Variants in AUTS2 observed in about 807,000 individuals in gnomAD.
The protein encoded by AUTS2 is activator of transcription and developmental regulator AUTS2, also known as autism susceptibility gene 2 protein.
A neutral mutation model predicts 112.4 loss-of-function variants in AUTS2; 17 were observed. The observed-to-expected ratio is 0.15, with a 90% CI of 0.10 to 0.23. The LOEUF (loss-of-function observed/expected upper bound fraction) is 0.23. Among genes scored for constraint, AUTS2 ranks in the 10% least tolerant of loss-of-function variants. The pLI is 1.00. For synonymous variants in AUTS2, 751 were observed against 702.7 expected (o/e 1.07, Z -1.09); for missense variants, 1,510 against 1,701.6 (o/e 0.89, Z 1.98).
chr7:70,340,170 A>ACACACACACG lies in AUTS2; in HGVS notation c.661-95573_661-95572insGCACACACAC, dbSNP rs1211967245. ...TGTCCATGTATGGAGAGAAACACAC[A>ACACACACACG]CACACACACACACACACACACACAC... On this transcript the variant is annotated intron_variant, in intron 4 of 18. Coordinates refer to ENST00000342771, the MANE Select transcript of AUTS2 (RefSeq NM_015570.4). 5.9e-5 allele frequency among the ~76,000 whole-genome samples: 9 copies of ACACACACACG among 151,298 alleles called. No individual in the cohort carries two copies. In the East Asian group the frequency reaches 1.5e-3, roughly 26 times the overall value.
intron 1 of AUTS2, among the ~76,000 whole-genome samples, chr7:69,686,543 G>A (rs1797076444): frequency 6.6e-6 from 1 of 152,190 alleles, no homozygotes; most frequent in African/African-American, 2.4e-5. Context: ...GGAGTCATAA[G>A]CAGTTTCAAA....
At chr7:70,673,373 CT>C (rs61024543) in intron 5 of AUTS2, among the ~76,000 whole-genome samples, 13,893 of 146,198 alleles carry the variant, frequency 0.095, 867 homozygotes, top group East Asian at 0.32. Context: ...TTTTTCTTTT[CT>C]TTTTTTTTTT....
chr7:70,037,381 A>G (rs954277403), intron 2 of AUTS2, among the ~76,000 whole-genome samples: 8 of 152,190 alleles, frequency 5.3e-5, no homozygotes, highest in African/African-American at 1.4e-4. Context: ...TGAGTAGGTT[A>G]TAGCTGCTCT....
chr7:70,019,043 A>G (rs1800157055), intron 2 of AUTS2, among the ~76,000 whole-genome samples: 1 of 152,204 alleles, frequency 6.6e-6, no homozygotes, highest in African/African-American at 2.4e-5. Context: ...TGGATAAATA[A>G]AATGTCATAC....
intron 5 of AUTS2, among the ~76,000 whole-genome samples, chr7:70,651,564 C>A: frequency 6.6e-6 from 1 of 152,108 alleles, no homozygotes; most frequent in East Asian, 1.9e-4. Flanking sequence ...CTAACATAAG[C>A]CTGTTTCATA....
intron 5 of AUTS2, among the ~76,000 whole-genome samples, chr7:70,618,610 A>G (rs1476725441): frequency 6.6e-6 from 1 of 152,170 alleles, no homozygotes; most frequent in Non-Finnish European, 1.5e-5. Context: ...GTCTTGTTCA[A>G]AAGCTGTTTC....
At chr7:70,248,035 T>C (rs528890346) in intron 4 of AUTS2, among the ~76,000 whole-genome samples, 4 of 152,216 alleles carry the variant, frequency 2.6e-5, no homozygotes, top group Admixed American at 2.6e-4. Flanking sequence ...GATTTTCCAA[T>C]GTTAAATCAA....
chr7:70,731,194 T>A (rs571776978), intron 6 of AUTS2, among the ~76,000 whole-genome samples: 4 of 152,298 alleles, frequency 2.6e-5, no homozygotes, highest in African/African-American at 9.6e-5. Context: ...TTTGTGAGTT[T>A]TCTTTTCACT....
chr7:70,556,008 T>G (rs931675027), intron 5 of AUTS2, among the ~76,000 whole-genome samples: 1 of 152,098 alleles, frequency 6.6e-6, no homozygotes, highest in Non-Finnish European at 1.5e-5. Context: ...GGGTTTCACC[T>G]TGTTAGCCAG....
At chr7:69,745,537 G>A (rs7793984) in intron 1 of AUTS2, among the ~76,000 whole-genome samples, 103,121 of 152,054 alleles carry the variant, frequency 0.68, 35,134 homozygotes, top group East Asian at 0.78. Flanking sequence ...TTCTCATTAC[G>A]TCTGCAAGCT....
intron 4 of AUTS2, among the ~76,000 whole-genome samples, chr7:70,307,390 G>T (rs558838220): frequency 3.3e-5 from 5 of 152,150 alleles, no homozygotes; most frequent in African/African-American, 1.2e-4. Flanking sequence ...CAGACTAGGG[G>T]TGGCAAACCT....
chr7:69,662,247 G>C (rs906302995), intron 1 of AUTS2, among the ~76,000 whole-genome samples: 26 of 151,736 alleles, frequency 1.7e-4, no homozygotes, highest in African/African-American at 6.1e-4. Flanking sequence ...AAAAGTCAGG[G>C]CCATTTGATA....
At chr7:70,152,544 G>A (rs954964178) in intron 4 of AUTS2, among the ~76,000 whole-genome samples, 2 of 151,630 alleles carry the variant, frequency 1.3e-5, no homozygotes, top group Admixed American at 1.3e-4. Context: ...CAAAAGACAT[G>A]GATAAGAGAA....
intron 6 of AUTS2, among the ~76,000 whole-genome samples, chr7:70,749,547 T>C (rs562561767): frequency 2.3e-4 from 35 of 152,334 alleles, no homozygotes; most frequent in Admixed American, 7.8e-4. Context: ...CTCTTTTCCC[T>C]GCTCCTCCTC....
At chr7:70,783,457 C>T (rs111758014) in intron 15 of AUTS2, 22 of 152,266 alleles carry the variant, frequency 1.4e-4, no homozygotes, top group African/African-American at 4.8e-4. Flanking sequence ...AAACATAAAT[C>T]GAGTTAACAG....
intron 1 of AUTS2, among the ~76,000 whole-genome samples, chr7:69,644,791 A>G (rs1358532323): frequency 6.6e-6 from 1 of 152,186 alleles, no homozygotes; most frequent in Non-Finnish European, 1.5e-5. Context: ...TTTGCCAGCA[A>G]TGGTGTAGTA....
At chr7:70,348,733 C>T (rs1791615476) in intron 4 of AUTS2, among the ~76,000 whole-genome samples, 1 of 152,152 alleles carries the variant, frequency 6.6e-6, no homozygotes, top group African/African-American at 2.4e-5. Flanking sequence ...TGGCGTGAAC[C>T]CCGGGAGGCG....
At chr7:70,402,876 AGTC>A (rs913080441) in intron 4 of AUTS2, among the ~76,000 whole-genome samples, 1 of 152,210 alleles carries the variant, frequency 6.6e-6, no homozygotes, top group Non-Finnish European at 1.5e-5. Context: ...GTTTTTCCCC[AGTC>A]GTCTGAACAC....
intron 2 of AUTS2, among the ~76,000 whole-genome samples, chr7:70,010,257 C>A (rs372835080): frequency 6.6e-6 from 1 of 152,122 alleles, no homozygotes; most frequent in Admixed American, 6.5e-5. Context: ...GTGATCCTCC[C>A]ACCTCAGCCT....
Sources: gnomAD v4.1 joint callset for allele counts (sites outside exome capture counted in the v4.1 genomes callset) on GRCh38, gnomAD v4.1.1 for gene constraint, MANE v1.5 for transcripts, NCBI Gene and HGNC (gene_info 2026-07-23, HGNC 2026-07-21) for gene names.